Variants in ATP13A5 observed in about 807,000 individuals in gnomAD.
ATP13A5 encodes the protein ATPase 13A5.
Under a neutral mutation model 150.2 loss-of-function variants are expected in ATP13A5, and 149 were observed. The observed-to-expected ratio is 0.99, with a 90% CI of 0.87 to 1.14. The LOEUF (loss-of-function observed/expected upper bound fraction) is 1.14, where lower values mean the gene tolerates loss of function less well. Among genes scored for constraint, ATP13A5 ranks in the 50% most tolerant of loss-of-function variants. The pLI, the probability that ATP13A5 is intolerant of heterozygous loss-of-function variation, is 0.00. For missense variants in ATP13A5, 1,383 were observed against 1,449.3 expected (o/e 0.95, Z 0.74); for synonymous variants, 497 against 522.2 (o/e 0.95, Z 0.66).
At chr3:193,295,134 C>T (rs1244440942) in intron 25 of ATP13A5, among the ~76,000 whole-genome samples, 3 of 152,108 alleles carry the variant, frequency 2.0e-5, no homozygotes, top group Non-Finnish European at 4.4e-5. Context: ...GTCCACAGTT[C>T]TCAGACCAGC....
chr3:193,308,810 T>C (rs1718721174), intron 21 of ATP13A5, among the ~76,000 whole-genome samples: 1 of 152,172 alleles, frequency 6.6e-6, no homozygotes, highest in Non-Finnish European at 1.5e-5. Flanking sequence ...TTTTCAAAGT[T>C]AGGCATTTTA....
chr3:193,300,186 T>C (rs1484090877), intron 24 of ATP13A5, among the ~76,000 whole-genome samples: 1 of 152,150 alleles, frequency 6.6e-6, no homozygotes, highest in African/African-American at 2.4e-5. Flanking sequence ...TCATATCCTT[T>C]CCTCTTCTTT....
chr3:193,292,160 G>T (rs1577328816), intron 25 of ATP13A5, among the ~76,000 whole-genome samples: 2 of 152,194 alleles, frequency 1.3e-5, no homozygotes, highest in African/African-American at 4.8e-5. Flanking sequence ...CGAAGAAGGG[G>T]TACACAGTGT....
chr3:193,318,935 G>T, intron 17 of ATP13A5, 56 bp downstream of exon 17: 2 of 1,220,792 alleles, frequency 1.6e-6, no homozygotes, highest in Non-Finnish European at 2.4e-6. Flanking sequence ...TCATCTCCAG[G>T]ACTCGCACTT....
intron 8 of ATP13A5, 64 bp downstream of exon 8, chr3:193,344,939 A>G: frequency 2.1e-6 from 3 of 1,428,098 alleles, no homozygotes; most frequent in Non-Finnish European, 3.0e-6. Context: ...ATAATTAAGG[A>G]CAAATGAGAC....
At chr3:193,281,147 T>TA (rs1395518860) in intron 27 of ATP13A5, 23 of 983,290 alleles carry the variant, frequency 2.3e-5, no homozygotes, top group Non-Finnish European at 2.5e-5. Context: ...GGCTTGGTGA[T>TA]ACGATTTCAG....
chr3:193,349,576 C>T (rs183984467), intron 7 of ATP13A5, among the ~76,000 whole-genome samples: 3 of 152,058 alleles, frequency 2.0e-5, no homozygotes, highest in African/African-American at 7.2e-5. Flanking sequence ...AACTTTTTCA[C>T]ATATATGATG....
At chr3:193,307,451 C>T (rs981341791) in intron 21 of ATP13A5, 82 bp from the exon 22 acceptor site, 24 of 1,537,538 alleles carry the variant, frequency 1.6e-5, no homozygotes, top group Non-Finnish European at 2.1e-5. Context: ...AACTAAGTCA[C>T]ATGTGATTTG....
chr3:193,331,156 C>T lies in ATP13A5; in HGVS notation c.1428G>A (p.Met476Ile). The change falls in exon 12 of 30, where the codon ATG (methionine) becomes ATA (isoleucine). Residue 476 changes from methionine (M) to isoleucine (I), a missense_variant. By Grantham distance (10) the Met-to-Ile change is conservative. Around this residue, in one of 3 missense-constraint regions of ATP13A5, gnomAD observed 787 missense variants for 771.9 expected, o/e 1.02. Coordinates refer to ENST00000342358, the MANE Select transcript of ATP13A5 (RefSeq NM_198505.4). ...IFCISPQRIN[M>I]CGQINLVCFD... is the part of the protein sequence containing the mutation. ...AGCACACGAGGTTTATTTGCCCACA[C>T]ATGTTGATTCTCTGTGGGGAGATAC... 6.2e-7 allele frequency: 1 copy of T among 1,614,030 alleles called. No homozygotes were observed. Among genetic ancestry groups the T allele is most frequent in the Non-Finnish European group, 8.5e-7 (1 of 1,179,920 alleles).
chr3:193,346,579 T>C (rs918551855), intron 7 of ATP13A5, among the ~76,000 whole-genome samples: 4 of 152,180 alleles, frequency 2.6e-5, no homozygotes, highest in Non-Finnish European at 4.4e-5. Context: ...CTTAACCTAA[T>C]TCAAATGTAA....
rs956884691 is a variant in ATP13A5 at position 193,334,762 on chromosome 3, T to A, written c.1114+167A>T. Among the ~76,000 whole-genome samples, 4 of 152,190 alleles carry A rather than the reference T, an allele frequency of 2.6e-5. No homozygotes were observed. In the East Asian group the frequency reaches 7.7e-4, roughly 29 times the overall value. On this transcript the variant is annotated intron_variant, in intron 10 of 29. Coordinates refer to ENST00000342358, the MANE Select transcript of ATP13A5 (RefSeq NM_198505.4). ...ATAGAAGGGTTTTACCAATAAACCA[T>A]TTAATTAAAAATAGTGACACTTTAG...
chr3:193,284,716 AT>A (rs1717644622), intron 27 of ATP13A5, among the ~76,000 whole-genome samples, 197 bp downstream of exon 27: 1 of 152,192 alleles, frequency 6.6e-6, no homozygotes, highest in African/African-American at 2.4e-5. Context: ...CAGTTAAATA[AT>A]GTCTGTGCTT....
intron 9 of ATP13A5, among the ~76,000 whole-genome samples, chr3:193,338,114 A>C (rs928579625): frequency 6.6e-6 from 1 of 152,196 alleles, no homozygotes; most frequent in Non-Finnish European, 1.5e-5. Flanking sequence ...GTTGCTTATC[A>C]GCTTAAGGAG....
At chr3:193,354,073 A>G in intron 6 of ATP13A5, 54 bp downstream of exon 6, 1 of 1,446,682 alleles carries the variant, frequency 6.9e-7, no homozygotes, top group Non-Finnish European at 9.5e-7. Flanking sequence ...AGGAAGTAAG[A>G]AGTAAGGGGC....
intron 7 of ATP13A5, among the ~76,000 whole-genome samples, chr3:193,348,853 G>A (rs1417132682): frequency 2.6e-5 from 4 of 152,118 alleles, no homozygotes; most frequent in Admixed American, 6.5e-5. Flanking sequence ...TTGAGATTGC[G>A]CTCAATGGGA....
At chr3:193,278,497 G>A (rs964271264) in intron 28 of ATP13A5, among the ~76,000 whole-genome samples, 1 of 152,134 alleles carries the variant, frequency 6.6e-6, no homozygotes, top group African/African-American at 2.4e-5. Flanking sequence ...GGTAAGCCTT[G>A]CTTTTGATTT....
At chr3:193,280,786 T>C (rs1209009409) in intron 27 of ATP13A5, among the ~76,000 whole-genome samples, 3 of 152,194 alleles carry the variant, frequency 2.0e-5, no homozygotes, top group Admixed American at 6.5e-5. Flanking sequence ...ATTGCCATGA[T>C]ACAAATGATT....
At chr3:193,313,761 A>T (rs575217374) in intron 19 of ATP13A5, 3 of 380,694 alleles carry the variant, frequency 7.9e-6, no homozygotes, top group African/African-American at 6.0e-5. Context: ...ATGACTGCAC[A>T]CTGGAATTGC....
chr3:193,276,611 G>T (rs1717214817), intron 29 of ATP13A5, 139 bp downstream of exon 29: 1 of 633,364 alleles, frequency 1.6e-6, no homozygotes, highest in Non-Finnish European at 2.8e-6. Context: ...TCCTCCAAAA[G>T]AATATGTACC....
Sources: allele counts gnomAD v4.1 joint callset (sites outside exome capture counted in the v4.1 genomes callset), GRCh38; gene constraint gnomAD v4.1.1; regional missense constraint gnomAD v4.1.1; transcripts MANE v1.5; gene names NCBI Gene and HGNC (gene_info 2026-07-23, HGNC 2026-07-21).